Variants in ESRRG observed in about 807,000 individuals in gnomAD.
The protein encoded by ESRRG is estrogen-related receptor gamma.
A neutral mutation model predicts 44.0 loss-of-function variants in ESRRG; 13 were observed. The ratio of observed to expected loss-of-function variants is 0.30; its 90% CI spans 0.19 to 0.47. The LOEUF (loss-of-function observed/expected upper bound fraction) is 0.47. ESRRG is among the 20% of genes least tolerant of loss of function. The pLI is 1.00. For missense variants in ESRRG, 395 were observed against 580.6 expected (o/e 0.68, Z 3.29); for synonymous variants, 215 against 214.6 (o/e 1.00, Z -0.02).
At chr1:216,875,509 G>T (rs751625542) in intron 2 of ESRRG, among the ~76,000 whole-genome samples, 1 of 151,990 alleles carries the variant, frequency 6.6e-6, no homozygotes, top group Non-Finnish European at 1.5e-5. Flanking sequence ...CCTACAGAAC[G>T]CATGTTATAT....
intron 2 of ESRRG, among the ~76,000 whole-genome samples, chr1:216,667,005 G>T (rs563963906): frequency 2.0e-5 from 3 of 152,226 alleles, no homozygotes; most frequent in African/African-American, 7.2e-5. Context: ...TGATTGAATC[G>T]GGAACAGGTA....
chr1:216,630,838 A>C (rs879615358), intron 3 of ESRRG, among the ~76,000 whole-genome samples: 7 of 152,134 alleles, frequency 4.6e-5, no homozygotes, highest in Non-Finnish European at 8.8e-5. Context: ...GGGTCTGTCA[A>C]AAAGCACCTT....
chr1:216,794,265 A>T (rs1282109297), intron 2 of ESRRG, among the ~76,000 whole-genome samples: 1 of 152,194 alleles, frequency 6.6e-6, no homozygotes, highest in East Asian at 1.9e-4. Context: ...GGGTTTAGGG[A>T]GCAGTATTTA....
chr1:216,838,941 A>C (rs1389314528), intron 2 of ESRRG, among the ~76,000 whole-genome samples: 2 of 152,120 alleles, frequency 1.3e-5, no homozygotes, highest in Non-Finnish European at 2.9e-5. Context: ...GTGGTTGCTG[A>C]AGGCTGGGGT....
intron 3 of ESRRG, among the ~76,000 whole-genome samples, chr1:216,636,084 G>T (rs2065238884): frequency 6.6e-6 from 1 of 152,152 alleles, no homozygotes; most frequent in Admixed American, 6.5e-5. Flanking sequence ...CTATTTTACA[G>T]ACTAAGAAAC....
At chr1:216,801,312 T>A (rs1028880077) in intron 2 of ESRRG, among the ~76,000 whole-genome samples, 1 of 152,188 alleles carries the variant, frequency 6.6e-6, no homozygotes, top group African/African-American at 2.4e-5. Context: ...CAAGTAATCC[T>A]CTGGCCTTGG....
chr1:216,958,635 T>C (rs1000376868), intron 1 of ESRRG, among the ~76,000 whole-genome samples: 3 of 152,174 alleles, frequency 2.0e-5, no homozygotes, highest in Non-Finnish European at 4.4e-5. Flanking sequence ...ATATGTTAGT[T>C]CTTAACACTT....
intron 2 of ESRRG, among the ~76,000 whole-genome samples, chr1:216,847,258 A>G (rs895043787): frequency 6.6e-6 from 1 of 152,162 alleles, no homozygotes; most frequent in Non-Finnish European, 1.5e-5. Context: ...AAAGTTTTCA[A>G]GTAATGTTTA....
intron 3 of ESRRG, among the ~76,000 whole-genome samples, chr1:216,601,920 T>C (rs1172653748): frequency 1.3e-5 from 2 of 152,210 alleles, no homozygotes; most frequent in Non-Finnish European, 2.9e-5. Context: ...TTCAAAGCCC[T>C]ACAACCGATA....
intron 1 of ESRRG, among the ~76,000 whole-genome samples, chr1:217,020,492 T>C (rs935588189): frequency 2.0e-5 from 3 of 152,208 alleles, no homozygotes; most frequent in Non-Finnish European, 2.9e-5. Flanking sequence ...CTTCCTCTCC[T>C]TCATATCAGA....
chr1:216,641,768 T>A (rs1398910162), intron 3 of ESRRG, among the ~76,000 whole-genome samples: 2 of 152,250 alleles, frequency 1.3e-5, no homozygotes, highest in Non-Finnish European at 2.9e-5. Context: ...TTGTAACTGT[T>A]AAGTTATTCC....
At position 216,793,574 on chromosome 1, in the gene ESRRG, G is replaced by A. The variant is rs991704296; in HGVS notation, c.-13-116083C>T. ...CATATCTTCAGATGACTGCAGCCCTGCCCAACACCTTGAGTGCAACCTCAT... is the reference window on the plus strand; with the variant it reads ...CATATCTTCAGATGACTGCAGCCCTACCCAACACCTTGAGTGCAACCTCAT... On this transcript the variant is annotated intron_variant, in intron 2 of 7. Transcript: ENST00000359162. Among the ~76,000 whole-genome samples the A allele has an allele frequency of 2.0e-5, 3 of 152,216 alleles. No homozygotes were observed. The South Asian group carries it at 6.2e-4, about 32-fold the overall frequency.
chr1:216,665,691 T>C (rs760040118), intron 2 of ESRRG, among the ~76,000 whole-genome samples: 1 of 152,206 alleles, frequency 6.6e-6, no homozygotes, highest in Non-Finnish European at 1.5e-5. Flanking sequence ...GTAAATTTTA[T>C]GTTTCTTACC....
At chr1:217,101,100 T>C (rs1580576048) in intron 1 of ESRRG, among the ~76,000 whole-genome samples, 1 of 152,248 alleles carries the variant, frequency 6.6e-6, no homozygotes. Context: ...CATGCCTCTA[T>C]GAGACACATC....
chr1:216,991,435 A>C (rs2075681562), intron 1 of ESRRG, among the ~76,000 whole-genome samples: 1 of 152,142 alleles, frequency 6.6e-6, no homozygotes, highest in African/African-American at 2.4e-5. Context: ...CTCGGCATAT[A>C]TTCATTGGGA....
intron 6 of ESRRG, among the ~76,000 whole-genome samples, chr1:216,512,393 C>T (rs1227006656): frequency 2.0e-5 from 3 of 152,008 alleles, no homozygotes; most frequent in African/African-American, 7.3e-5. Flanking sequence ...GCATCTTCAA[C>T]TAATAAATTG....
intron 5 of ESRRG, among the ~76,000 whole-genome samples, chr1:216,554,186 A>G (rs953617304): frequency 3.9e-5 from 6 of 152,002 alleles, no homozygotes; most frequent in African/African-American, 1.4e-4. Context: ...TGAGCGCAGT[A>G]GCTCAGCCTG....
intron 1 of ESRRG, among the ~76,000 whole-genome samples, chr1:216,989,544 C>A (rs575829694): frequency 6.6e-6 from 1 of 151,998 alleles, no homozygotes; most frequent in South Asian, 2.1e-4. Flanking sequence ...TTCGAGGATT[C>A]CATCAATCAA....
intron 1 of ESRRG, among the ~76,000 whole-genome samples, chr1:217,010,424 AGT>A (rs1034465732): frequency 5.3e-5 from 8 of 152,298 alleles, no homozygotes; most frequent in African/African-American, 1.9e-4. Flanking sequence ...AAAACAACTC[AGT>A]GTGGGAACAG....
Sources: allele counts gnomAD v4.1 joint callset (sites outside exome capture counted in the v4.1 genomes callset), GRCh38; gene constraint gnomAD v4.1.1; transcripts MANE v1.5; gene names NCBI Gene and HGNC (gene_info 2026-07-23, HGNC 2026-07-21).